The following INSL6 variants were observed in gnomAD, a reference collection of about 807,000 sequenced individuals.
INSL6 encodes insulin-like peptide INSL6.
A neutral mutation model predicts 9.4 loss-of-function variants in INSL6; 16 were observed. That is an observed-to-expected ratio of 1.70 (90% CI 1.15 to 2.59). The LOEUF is 2.59. Ranked by LOEUF, INSL6 falls within the 30% of genes most tolerant of loss-of-function variation. INSL6 has a pLI of 0.00. For synonymous variants in INSL6, 154 were observed against 96.9 expected, an observed-to-expected ratio of 1.59 and a Z score of -3.46; for missense variants, 391 against 257.3, an observed-to-expected ratio of 1.52 and a Z score of -3.56.
intron 1 of INSL6, among the ~76,000 whole-genome samples, chr9:5,166,194 GC>G (rs1310398451): frequency 6.6e-6 from 1 of 152,158 alleles, no homozygotes; most frequent in Non-Finnish European, 1.5e-5. Context: ...AGAGAGGAAG[GC>G]AGAAGATTTT....
the INSL6 span, among the ~76,000 whole-genome samples, chr9:5,116,601 G>A: frequency 6.6e-6 from 1 of 152,130 alleles, no homozygotes; most frequent in Non-Finnish European, 1.5e-5. Flanking sequence ...GTTATATGAA[G>A]ATTCAGAGAT....
the INSL6 span, chr9:5,086,216 GC>G: frequency 1.7e-6 from 1 of 598,082 alleles, no homozygotes; most frequent in Non-Finnish European, 2.2e-6. Context: ...CCAGCGCGAG[GC>G]CACGGTCGGA....
At chr9:5,084,550 T>C in the INSL6 span, among the ~76,000 whole-genome samples, 1 of 152,144 alleles carries the variant, frequency 6.6e-6, no homozygotes, top group African/African-American at 2.4e-5. Context: ...TTTTATTTTT[T>C]AAAAAATATT....
downstream of INSL6, among the ~76,000 whole-genome samples, chr9:5,121,099 G>A (rs562731979): frequency 2.0e-4 from 31 of 152,306 alleles, no homozygotes; most frequent in African/African-American, 6.7e-4. Context: ...CAATTTAGAA[G>A]AGGCAGAATA....
chr9:5,092,213 G>C, the INSL6 span, among the ~76,000 whole-genome samples: 2 of 152,078 alleles, frequency 1.3e-5, no homozygotes, highest in Admixed American at 6.6e-5. Context: ...TGAAATCTAA[G>C]GGCTCAAGGA....
the INSL6 span, among the ~76,000 whole-genome samples, chr9:5,049,876 G>A: frequency 6.6e-6 from 1 of 152,080 alleles, no homozygotes; most frequent in Non-Finnish European, 1.5e-5. Context: ...GAATATTGTA[G>A]GCACTTGTAA....
the INSL6 span, among the ~76,000 whole-genome samples, chr9:5,073,281 C>G: frequency 6.6e-5 from 10 of 152,336 alleles, no homozygotes; most frequent in African/African-American, 2.4e-4. Context: ...TATCCTGACA[C>G]AGATGTCGTG....
chr9:5,044,598 A>T, the INSL6 span: 1 of 892,352 alleles, frequency 1.1e-6, no homozygotes, highest in East Asian at 2.5e-5. Flanking sequence ...TAATCAGGAA[A>T]AACTTTACAT....
At chr9:5,152,806 G>C (rs558806649) in intron 2 of INSL6, among the ~76,000 whole-genome samples, 1 of 152,168 alleles carries the variant, frequency 6.6e-6, no homozygotes, top group Non-Finnish European at 1.5e-5. Flanking sequence ...CAGCAAGATC[G>C]ACGCAGAAGG....
At chr9:5,055,900 T>A in the INSL6 span, 2 of 929,266 alleles carry the variant, frequency 2.2e-6, no homozygotes, top group Non-Finnish European at 3.2e-6. Context: ...ATTGTAGTTT[T>A]AAATATAACT....
chr9:5,128,586 G>A (rs1478727831), intron 3 of INSL6, among the ~76,000 whole-genome samples: 2 of 151,864 alleles, frequency 1.3e-5, no homozygotes, highest in African/African-American at 2.4e-5. Context: ...AAAACAAGAT[G>A]TGAACTAACT....
the INSL6 span, chr9:5,069,168 A>C: frequency 6.2e-7 from 1 of 1,610,354 alleles, no homozygotes; most frequent in Non-Finnish European, 8.5e-7. Flanking sequence ...CAGACAATAT[A>C]ATTTTCCAGT....
chr9:5,069,097 A>C, the INSL6 span: 8 of 1,611,684 alleles, frequency 5.0e-6, no homozygotes, highest in Non-Finnish European at 6.8e-6. Flanking sequence ...CAGTGGGACA[A>C]AGAAGAACTT....
the INSL6 span, chr9:5,044,454 T>A: frequency 1.2e-5 from 19 of 1,613,428 alleles, no homozygotes; most frequent in Non-Finnish European, 1.5e-5. Context: ...CCTATCGGCA[T>A]GGAATATCTC....
chr9:5,163,786 G>T (rs1824979541), downstream of INSL6: 1 of 659,396 alleles, frequency 1.5e-6, no homozygotes, highest in Non-Finnish European at 2.6e-6. Context: ...TATAAGGTAT[G>T]GTCAAGTGCT....
chr9:5,070,065 A>G, the INSL6 span: 1 of 1,584,708 alleles, frequency 6.3e-7, no homozygotes, highest in African/African-American at 1.3e-5. Context: ...AAGTCATTAG[A>G]TACTCATTAC....
the INSL6 span, among the ~76,000 whole-genome samples, chr9:5,019,640 C>A: frequency 4.6e-5 from 7 of 152,282 alleles, no homozygotes; most frequent in African/African-American, 1.7e-4. Context: ...CTTTGATATC[C>A]ACACATCTGG....
intron 1 of INSL6, 139 bp downstream of exon 1, chr9:5,185,175 C>CT: frequency 1.9e-6 from 2 of 1,051,038 alleles, no homozygotes; most frequent in Non-Finnish European, 2.9e-6. Context: ...TTTCAATACA[C>CT]TGTTTTTTAC....
At chr9:5,038,223 C>T in the INSL6 span, among the ~76,000 whole-genome samples, 1 of 152,086 alleles carries the variant, frequency 6.6e-6, no homozygotes, top group Non-Finnish European at 1.5e-5. Context: ...CCTAGAAAGA[C>T]ACAAGTTATA....
Sources: allele counts gnomAD v4.1 joint callset (sites outside exome capture counted in the v4.1 genomes callset), GRCh38; gene constraint gnomAD v4.1.1; transcripts MANE v1.5; gene names NCBI Gene and HGNC (gene_info 2026-07-23, HGNC 2026-07-21).